NAA15: variants seen among roughly 807,000 people sequenced by gnomAD.
The protein encoded by NAA15 is N-terminal acetyltransferase.
Under a neutral mutation model 114.0 loss-of-function variants are expected in NAA15, and 34 were observed. The ratio of observed to expected loss-of-function variants is 0.30; its 90% CI spans 0.23 to 0.40. The LOEUF is 0.40. NAA15 is among the 10% of genes least tolerant of loss of function. The pLI is 1.00. For synonymous variants in NAA15, 340 were observed against 338.0 expected, an observed-to-expected ratio of 1.01 and a Z score of -0.06; for missense variants, 658 against 1,004.5, an observed-to-expected ratio of 0.66 and a Z score of 4.66.
intron 17 of NAA15, among the ~76,000 whole-genome samples, chr4:139,380,263 G>C (rs1010259073): frequency 2.7e-5 from 4 of 150,922 alleles, no homozygotes; most frequent in Admixed American, 1.3e-4. Flanking sequence ...TTTTTTGGGG[G>C]GGGGGAGTAT....
intron 13 of NAA15, 87 bp from the exon 14 acceptor site, chr4:139,361,637 A>G: frequency 2.6e-6 from 2 of 775,988 alleles, no homozygotes; most frequent in South Asian, 2.2e-5. Flanking sequence ...TTCATGCCAA[A>G]GTAACAAGTA....
rs777939258 is a variant in NAA15 at position 139,354,035 on chromosome 4, A to G, written c.1024A>G (p.Ile342Val). 3.7e-6 allele frequency: 6 copies of G among 1,613,318 alleles called. No homozygotes were observed. The highest frequency in any genetic ancestry group is 5.1e-6 in the Non-Finnish European group (6 of 1,179,508). ...LYKDKEKVAIIEELVVGYETS... is the reference protein window; with the variant it reads ...LYKDKEKVAIVEELVVGYETS... ...TGTGTTTGTACTCTAGGTGGCAATC[A>G]TAGAAGAGTTAGTAGTAGGTTATGA... The change falls in exon 10 of 20, where the codon ATA becomes GTA. Residue 342 changes from isoleucine to valine, a missense_variant. Ile to Val is a conservative substitution (Grantham distance 29). This residue lies in a region of NAA15 where 281 missense variants were observed against 389.1 expected (regional missense o/e 0.72). Transcript: ENST00000296543.
chr4:139,361,953 T>C lies in NAA15; in HGVS notation c.1753+16T>C. Reference sequence around the variant, plus strand: ...GCTGATACAGGTATAATATTCAGAGTTCTTCTTGTGCTCTGATGTGTTTAT... The same window carrying C: ...GCTGATACAGGTATAATATTCAGAGCTCTTCTTGTGCTCTGATGTGTTTAT... On this transcript the variant is annotated intron_variant, in intron 14 of 19. Transcript: ENST00000296543. 2 of 1,559,794 alleles carry C rather than the reference T, an allele frequency of 1.3e-6. No homozygotes were observed. The highest frequency in any genetic ancestry group is 1.8e-6 in the Non-Finnish European group (2 of 1,132,212).
chr4:139,338,728 G>A (rs568830208), intron 3 of NAA15, among the ~76,000 whole-genome samples: 2 of 152,272 alleles, frequency 1.3e-5, no homozygotes, highest in South Asian at 4.2e-4. Context: ...GATTACAGGT[G>A]TGAGCCACCA....
chr4:139,367,868 ACT>A (rs1748328047), intron 14 of NAA15, among the ~76,000 whole-genome samples: 1 of 152,164 alleles, frequency 6.6e-6, no homozygotes, highest in African/African-American at 2.4e-5. Context: ...TAGTTAGCTC[ACT>A]GAGTCCATTT....
chr4:139,367,341 C>G (rs995013918), intron 14 of NAA15, among the ~76,000 whole-genome samples: 39 of 152,122 alleles, frequency 2.6e-4, no homozygotes, highest in Admixed American at 1.7e-3. Context: ...TCTGAATTAC[C>G]CTTTTTTTCT....
chr4:139,311,839 C>G (rs555760966), intron 1 of NAA15, among the ~76,000 whole-genome samples: 1 of 151,776 alleles, frequency 6.6e-6, no homozygotes, highest in East Asian at 1.9e-4. Context: ...GGGTGCATGC[C>G]AGTTACTCAG....
Position 139,357,534 on chromosome 4 carries a change from C to A in NAA15, c.1236C>A (p.Leu412=). 6.2e-7 allele frequency: 1 copy of A among 1,606,120 alleles called. No individual in the cohort carries two copies. The highest frequency in any genetic ancestry group is 8.5e-7 in the Non-Finnish European group (1 of 1,174,176). Residue 412 remains leucine (L), a synonymous_variant, in exon 11 of 20, where the codon CTC becomes CTA. Coordinates refer to ENST00000296543, the MANE Select transcript of NAA15 (RefSeq NM_057175.5). ...ESTPTLIELF[L]VKAKIYKHAG... is the part of the protein sequence containing the mutation. ...CACCTACATTAATAGAACTCTTTCTCGTGAAAGCTAAAATCTATAAGGTAA... is the reference window on the plus strand; with the variant it reads ...CACCTACATTAATAGAACTCTTTCTAGTGAAAGCTAAAATCTATAAGGTAA...
intron 14 of NAA15, among the ~76,000 whole-genome samples, chr4:139,365,130 T>C (rs1240863222): frequency 6.6e-6 from 1 of 152,194 alleles, no homozygotes; most frequent in Non-Finnish European, 1.5e-5. Flanking sequence ...CTCTGCCTCC[T>C]GGTTTCAAGC....
chr4:139,317,880 C>T (rs953245243), intron 1 of NAA15, among the ~76,000 whole-genome samples: 1 of 152,122 alleles, frequency 6.6e-6, no homozygotes, highest in Non-Finnish European at 1.5e-5. Flanking sequence ...TGTGTGTAAT[C>T]CTTGTTTTGC....
In NAA15 at chr4:139,360,399, A is replaced by G. The variant is rs533493235; in HGVS notation, c.1411-101A>G. The G allele has an allele frequency of 2.5e-3, 2,800 of 1,119,416 alleles. 8 individuals are homozygous for G. Among genetic ancestry groups the G allele is most frequent in the Non-Finnish European group, 2.9e-3 (2,389 of 829,942 alleles). The allele number at this position is 1,119,416 out of a possible 1,614,324, so 69.3% of individuals were successfully genotyped here. A position where few individuals can be genotyped will look rare whatever the true frequency, so the allele number is the denominator to read the frequency against. The stretch of plus-strand genomic sequence containing the variant: ...TAAGAATGTTTTAAAAATTTTTTTG[A>G]AAGAGTCCCAATCAGCTTAACATCT... On this transcript the variant is annotated intron_variant, in intron 12 of 19. Transcript: ENST00000296543.
chr4:139,315,529 T>TAAC (rs955183943), intron 1 of NAA15, among the ~76,000 whole-genome samples: 11 of 150,690 alleles, frequency 7.3e-5, no homozygotes, highest in African/African-American at 1.7e-4. Flanking sequence ...AGAACAACAA[T>TAAC]AACAACAACA....
In NAA15 at chr4:139,357,562, A is replaced by T; in HGVS notation, c.1257+7A>T. 1 of 1,566,872 alleles carries T rather than the reference A, an allele frequency of 6.4e-7. No individual in the cohort carries two copies. ...GAAAGCTAAAATCTATAAGGTAAAA[A>T]TCTTTTTTTCTATTTTCTTATAAGG... On this transcript the variant is annotated splice_region_variant and intron_variant, in intron 11 of 19. Transcript: ENST00000296543.
At chr4:139,382,234 G>A (rs1294734107) in intron 17 of NAA15, among the ~76,000 whole-genome samples, 1 of 151,962 alleles carries the variant, frequency 6.6e-6, no homozygotes. Context: ...TATTTTCCTG[G>A]AGGTTAACAA....
chr4:139,350,010 G>A (rs1315117738), intron 7 of NAA15, among the ~76,000 whole-genome samples: 1 of 151,790 alleles, frequency 6.6e-6, no homozygotes, highest in African/African-American at 2.4e-5. Flanking sequence ...GAATACAAAA[G>A]TACATTTGCA....
In NAA15 at chr4:139,301,724, C is replaced by T; in HGVS notation, c.-54C>T. 1 of 1,531,392 alleles carries T rather than the reference C, an allele frequency of 6.5e-7. No homozygotes were observed. The highest frequency in any genetic ancestry group is 1.2e-5 in the South Asian group (1 of 83,124). The allele number at this position is 1,531,392 out of a possible 1,614,324, so 94.9% of individuals were successfully genotyped here. ...CGGAACGGCAGCGGCGGCGGTCGGA[C>T]AAACTGACTGACCGAGCCGGGTGGT... is the stretch of plus-strand genomic sequence containing the variant. On this transcript the variant is annotated 5_prime_UTR_variant, in exon 1 of 20. Transcript: ENST00000296543.
At chr4:139,338,256 A>G (rs1275590581) in intron 3 of NAA15, among the ~76,000 whole-genome samples, 1 of 152,238 alleles carries the variant, frequency 6.6e-6, no homozygotes, top group Non-Finnish European at 1.5e-5. Flanking sequence ...AGTGTTTCCT[A>G]GTTTATAAAA....
At chr4:139,386,256 G>A in intron 19 of NAA15, 26 bp downstream of exon 19, 1 of 1,303,494 alleles carries the variant, frequency 7.7e-7, no homozygotes, top group South Asian at 1.2e-5. Context: ...TAATCTCTCT[G>A]TAAGAATACT....
rs11402847 is a variant in NAA15, at chr4:139,342,479, G to GTTTTTTTTTT, written c.403-338_403-329dup. ...GGGGTTGTGGGATAAATTAATGTGT[G>GTTTTTTTTTT]TTTTTTTTTTTTTTTTTTGAGACGG... On this transcript the variant is annotated intron_variant, in intron 4 of 19. Transcript: ENST00000296543. Among the ~76,000 whole-genome samples the GTTTTTTTTTT allele has an allele frequency of 2.4e-5, 3 of 125,550 alleles. 1 individual carries two copies. The highest frequency in any genetic ancestry group is 8.1e-5 in the Admixed American group (1 of 12,334). 82.4% of individuals were successfully genotyped at this position (125,550 alleles called of 152,430 possible).
Sources: gnomAD v4.1 joint callset for allele counts (sites outside exome capture counted in the v4.1 genomes callset) on GRCh38, gnomAD v4.1.1 for gene constraint, gnomAD v4.1.1 regional missense constraint, MANE v1.5 for transcripts, NCBI Gene and HGNC (gene_info 2026-07-23, HGNC 2026-07-21) for gene names.